Variants in CTDSPL observed in about 807,000 individuals in gnomAD.
CTDSPL encodes the protein CTD small phosphatase-like protein.
A neutral mutation model predicts 30.5 loss-of-function variants in CTDSPL; 8 were observed. The ratio of observed to expected loss-of-function variants is 0.26; its 90% CI spans 0.15 to 0.47. The LOEUF is 0.47. Among genes scored for constraint, CTDSPL ranks in the 20% least tolerant of loss-of-function variants. CTDSPL has a pLI of 0.99. For missense variants in CTDSPL, 248 were observed against 366.1 expected (o/e 0.68, Z 2.63); for synonymous variants, 110 against 137.9 (o/e 0.80, Z 1.42).
intron 1 of CTDSPL, among the ~76,000 whole-genome samples, chr3:37,931,106 G>T (rs1202229173): frequency 1.3e-5 from 2 of 149,996 alleles, no homozygotes; most frequent in African/African-American, 4.9e-5. Context: ...TGTATAATTG[G>T]GTCTTGCTTT....
chr3:37,958,392 G>T (rs1300772304), intron 3 of CTDSPL, among the ~76,000 whole-genome samples: 1 of 152,178 alleles, frequency 6.6e-6, no homozygotes, highest in African/African-American at 2.4e-5. Flanking sequence ...ATGCTCAGCA[G>T]AGTTAATACC....
At chr3:37,941,791 C>A (rs1222983187) in intron 1 of CTDSPL, among the ~76,000 whole-genome samples, 1 of 150,318 alleles carries the variant, frequency 6.7e-6, no homozygotes, top group Non-Finnish European at 1.5e-5. Flanking sequence ...CATGTTGTAG[C>A]CTATTGGGGG....
chr3:37,875,312 A>G (rs180786376), intron 1 of CTDSPL, among the ~76,000 whole-genome samples: 6 of 152,360 alleles, frequency 3.9e-5, no homozygotes, highest in African/African-American at 1.2e-4. Context: ...GATTCTGAGT[A>G]ACTGCTTCTA....
At chr3:37,877,386 C>T (rs1240045750) in intron 1 of CTDSPL, among the ~76,000 whole-genome samples, 1 of 152,202 alleles carries the variant, frequency 6.6e-6, no homozygotes, top group East Asian at 1.9e-4. Context: ...CTTCACTTAG[C>T]ATACTGCCCT....
intron 1 of CTDSPL, among the ~76,000 whole-genome samples, chr3:37,867,169 A>C (rs1368764874): frequency 4.6e-5 from 7 of 152,042 alleles, no homozygotes; most frequent in Non-Finnish European, 1.0e-4. Context: ...ACATTTCTAA[A>C]ATTTTATCTT....
intron 1 of CTDSPL, among the ~76,000 whole-genome samples, chr3:37,921,020 C>CA (rs1200828676): frequency 6.6e-6 from 1 of 152,136 alleles, no homozygotes; most frequent in Non-Finnish European, 1.5e-5. Context: ...CTGTGAGCCT[C>CA]AATAGGTCAG....
At chr3:37,918,995 A>G (rs887708969) in intron 1 of CTDSPL, among the ~76,000 whole-genome samples, 4 of 152,190 alleles carry the variant, frequency 2.6e-5, no homozygotes, top group East Asian at 1.9e-4. Flanking sequence ...TATATGTAAT[A>G]TAATAAATAA....
At chr3:37,874,271 C>T (rs556356453) in intron 1 of CTDSPL, among the ~76,000 whole-genome samples, 2 of 152,330 alleles carry the variant, frequency 1.3e-5, no homozygotes, top group Admixed American at 1.3e-4. Flanking sequence ...GAAGGGACCA[C>T]ACCACTTCAA....
chr3:37,968,083 C>T lies in CTDSPL; in HGVS notation c.426+201C>T, dbSNP rs545712035. 93 of 537,336 alleles carry T rather than the reference C, an allele frequency of 1.7e-4. No homozygotes were observed. The South Asian group carries it at 2.1e-3, about 12-fold the overall frequency. 33.3% of individuals were successfully genotyped at this position (537,336 alleles called of 1,614,324 possible). A position where few individuals can be genotyped will look rare whatever the true frequency, so the allele number is the denominator to read the frequency against. On this transcript the variant is annotated intron_variant, in intron 5 of 7. Transcript: ENST00000273179. Reference sequence around the variant, plus strand: ...ACTGAGATTATAAGGAAACTATAGTCGTAAATATTAGATGCGGTTGCAAGT... The same window carrying T: ...ACTGAGATTATAAGGAAACTATAGTTGTAAATATTAGATGCGGTTGCAAGT...
chr3:37,888,670 T>A (rs1698290094), intron 1 of CTDSPL, among the ~76,000 whole-genome samples: 1 of 152,256 alleles, frequency 6.6e-6, no homozygotes, highest in Admixed American at 6.5e-5. Context: ...GTAGTATTTA[T>A]CATAACATAA....
At chr3:37,863,483 TG>T (rs1168330550) in intron 1 of CTDSPL, among the ~76,000 whole-genome samples, 4 of 152,234 alleles carry the variant, frequency 2.6e-5, no homozygotes, top group African/African-American at 7.2e-5. Flanking sequence ...TCAAGGAATC[TG>T]GCTTCTTTTG....
chr3:37,973,504 A>G (rs1699391354), intron 6 of CTDSPL, among the ~76,000 whole-genome samples: 2 of 152,218 alleles, frequency 1.3e-5, no homozygotes. Flanking sequence ...GCTGAGCCGA[A>G]TCAGCTCCCA....
chr3:37,962,372 C>T (rs1211140966), intron 3 of CTDSPL, among the ~76,000 whole-genome samples: 1 of 152,228 alleles, frequency 6.6e-6, no homozygotes, highest in Non-Finnish European at 1.5e-5. Flanking sequence ...CCTGTTGCCT[C>T]CCAACTTGGC....
Position 37,909,304 on chromosome 3 carries a change from C to G in CTDSPL, c.80-37753C>G, listed in dbSNP as rs184678539. 7.9e-5 allele frequency among the ~76,000 whole-genome samples: 12 copies of G among 152,348 alleles called. No individual in the cohort carries two copies. In the East Asian group the frequency reaches 2.1e-3, roughly 27 times the overall value. On this transcript the variant is annotated intron_variant, in intron 1 of 7. Transcript: ENST00000273179. ...TTTCTGCCATGGAAATGATACCCAA[C>G]TTCATTTGTGGGACTGGGATCATGA...
intron 1 of CTDSPL, 101 bp from the exon 2 acceptor site, chr3:37,946,956 C>A: frequency 7.6e-7 from 1 of 1,321,650 alleles, no homozygotes; most frequent in South Asian, 1.5e-5. Context: ...GGGCTGGAAT[C>A]TGGGGTCTGG....
At chr3:37,930,362 G>A (rs1698839085) in intron 1 of CTDSPL, among the ~76,000 whole-genome samples, 1 of 152,044 alleles carries the variant, frequency 6.6e-6, no homozygotes, top group Non-Finnish European at 1.5e-5. Flanking sequence ...CCAGGCTCAG[G>A]CAGTCCTCAT....
At chr3:37,883,862 A>G (rs1244185342) in intron 1 of CTDSPL, among the ~76,000 whole-genome samples, 1 of 152,214 alleles carries the variant, frequency 6.6e-6, no homozygotes, top group African/African-American at 2.4e-5. Context: ...TTTTCAAAAT[A>G]ATGAGTGAAA....
intron 1 of CTDSPL, among the ~76,000 whole-genome samples, chr3:37,887,299 A>C (rs1394421138): frequency 6.6e-6 from 1 of 152,166 alleles, no homozygotes; most frequent in Admixed American, 6.5e-5. Flanking sequence ...TGGCCTGCCA[A>C]CTGTCTGCAC....
Position 37,982,864 on chromosome 3 carries a change from A to T in CTDSPL, c.*1997A>T, listed in dbSNP as rs984923729. On this transcript the variant is annotated 3_prime_UTR_variant, in exon 8 of 8. Coordinates refer to ENST00000273179, the MANE Select transcript of CTDSPL (RefSeq NM_001008392.2). ...TGAATGTTGCAGTCAAGTGTCTGTCATGTGTTGATATCCACACAGAATTAG... is the reference window on the plus strand; with the variant it reads ...TGAATGTTGCAGTCAAGTGTCTGTCTTGTGTTGATATCCACACAGAATTAG... 2.9e-6 allele frequency: 1 copy of T among 350,868 alleles called. No individual in the cohort carries two copies. Among genetic ancestry groups the T allele is most frequent in the African/African-American group, 2.1e-5 (1 of 46,716 alleles). 21.7% of individuals were successfully genotyped at this position (350,868 alleles called of 1,614,324 possible).
Sources: allele counts gnomAD v4.1 joint callset (sites outside exome capture counted in the v4.1 genomes callset), GRCh38; gene constraint gnomAD v4.1.1; transcripts MANE v1.5; gene names NCBI Gene and HGNC (gene_info 2026-07-23, HGNC 2026-07-21).